Variants in SYCP2L observed in about 807,000 individuals in gnomAD.
SYCP2L encodes synaptonemal complex protein 2-like.
SYCP2L carries 98 observed loss-of-function variants against 125.8 expected under a neutral mutation model. The observed-to-expected ratio is 0.78, with a 90% CI of 0.66 to 0.92. The LOEUF (loss-of-function observed/expected upper bound fraction) is 0.92. Ranked by LOEUF, SYCP2L falls within the 40% of genes least tolerant of loss-of-function variation. The pLI, the probability that SYCP2L is intolerant of heterozygous loss-of-function variation, is 0.00. For synonymous variants in SYCP2L, 317 were observed against 325.4 expected (o/e 0.97, Z 0.28); for missense variants, 842 against 936.4 (o/e 0.90, Z 1.32).
intron 4 of SYCP2L, 76 bp from the exon 5 acceptor site, chr6:10,897,935 G>A (rs1780286157): frequency 6.2e-6 from 6 of 971,586 alleles, no homozygotes; most frequent in Non-Finnish European, 1.0e-5. Flanking sequence ...GTTGTAATGA[G>A]AAAATTGTCT....
At chr6:10,942,849 G>A (rs1781248477) in intron 23 of SYCP2L, 103 bp downstream of exon 23, 10 of 1,039,006 alleles carry the variant, frequency 9.6e-6, no homozygotes, top group Non-Finnish European at 2.8e-6. Context: ...AAGTCACTTT[G>A]CACAGTGACT....
intron 1 of SYCP2L, 69 bp from the exon 2 acceptor site, chr6:10,891,438 TGCTTTG>T: frequency 7.4e-6 from 4 of 537,280 alleles, no homozygotes; most frequent in Non-Finnish European, 1.1e-5. Context: ...TTTTTTTTTT[TGCTTTG>T]TGTTTAAAAC....
intron 10 of SYCP2L, among the ~76,000 whole-genome samples, chr6:10,907,892 G>GTTTTTTTTTTTTTTTTCTTTTTT (rs1780527311): frequency 1.1e-5 from 1 of 91,922 alleles, no homozygotes; most frequent in African/African-American, 4.1e-5. Flanking sequence ...ATACAGATAG[G>GTTTTTTTTTTTTTTTTCTTTTTT]TTTTTTTTTT....
At position 10,955,173 on chromosome 6, in the gene SYCP2L, C is replaced by T. The variant is rs200426957; in HGVS notation, c.2012C>T (p.Ala671Val). 3 of 1,613,584 alleles carry T rather than the reference C, an allele frequency of 1.9e-6. No homozygotes were observed. In the African/African-American group the frequency reaches 4.0e-5, roughly 22 times the overall value. ...CAATCAAGATTGGAAGAAGAGGTTG[C>T]TCCGGGATCCCCTTTCTCAATAACA... ...SQQSRLEEEV[A>V]PGSPFSITEE... Residue 671 changes from alanine to valine, a missense_variant, in exon 24 of 30, where the codon GCT (alanine) becomes GTT (valine). Coordinates refer to ENST00000283141, the MANE Select transcript of SYCP2L (RefSeq NM_001040274.3).
chr6:10,910,097 TA>T, intron 10 of SYCP2L, 50 bp from the exon 11 acceptor site: 1 of 1,511,946 alleles, frequency 6.6e-7, no homozygotes, highest in Non-Finnish European at 9.1e-7. Context: ...TAGTATTAAC[TA>T]AGACATCTTG....
At chr6:10,946,817 A>G (rs992298517) in intron 23 of SYCP2L, among the ~76,000 whole-genome samples, 1 of 151,896 alleles carries the variant, frequency 6.6e-6, no homozygotes, top group Non-Finnish European at 1.5e-5. Context: ...GTAAGTCTAA[A>G]TACGTCTAAG....
chr6:10,926,965 G>C (rs1780908688), intron 16 of SYCP2L, among the ~76,000 whole-genome samples: 1 of 152,060 alleles, frequency 6.6e-6, no homozygotes, highest in African/African-American at 2.4e-5. Context: ...ATTTTCAGCA[G>C]AGACGGGATT....
intron 29 of SYCP2L, among the ~76,000 whole-genome samples, chr6:10,965,037 G>A (rs1781656524): frequency 6.6e-6 from 1 of 152,134 alleles, no homozygotes; most frequent in African/African-American, 2.4e-5. Context: ...CTAAGGGTTA[G>A]AGAAAATATA....
rs745973210 is a variant in SYCP2L, at chr6:10,931,463, A to G, written c.1657A>G (p.Ser553Gly). The G allele has an allele frequency of 4.3e-6, 7 of 1,614,142 alleles. No individual in the cohort carries two copies. The South Asian group carries it at 6.6e-5, about 15-fold the overall frequency. The change falls in exon 20 of 30, where the codon AGT becomes GGT. Residue 553 changes from serine to glycine, a missense_variant. Physicochemically the swap from Ser to Gly is moderately conservative, Grantham distance 56. Coordinates refer to ENST00000283141, the MANE Select transcript of SYCP2L (RefSeq NM_001040274.3). ...LRILPVFPPS[S>G]GSGHEKDQAK... The stretch of plus-strand genomic sequence containing the variant: ...AGTCTTGCCAGTTTTCCCTCCCAGT[A>G]GTGGCAGTGGCCATGAGAAAGACCA...
rs1310081991 is a variant in SYCP2L, at chr6:10,924,563, C to T, written c.1140C>T (p.Val380=). The change falls in exon 15 of 30, where the codon GTC becomes GTT. Residue 380 remains valine, a synonymous_variant. Transcript: ENST00000283141. ...CCATGATTATCAGCTACAAAGAAGT[C>T]ATGAAAATAGAAATCCATTTTGATT... ...KKPMIISYKE[V]MKIEIHFDLQ... is the part of the protein sequence containing the mutation. 2.5e-6 allele frequency: 4 copies of T among 1,604,922 alleles called. No individual in the cohort carries two copies. Among genetic ancestry groups the T allele is most frequent in the Non-Finnish European group, 3.4e-6 (4 of 1,177,300 alleles).
intron 16 of SYCP2L, among the ~76,000 whole-genome samples, chr6:10,926,721 G>A (rs60316924): frequency 0.027 from 4,034 of 151,978 alleles, 180 homozygotes; most frequent in African/African-American, 0.092. Flanking sequence ...GCACTAGACC[G>A]TGTTTCTCTT....
chr6:10,934,627 T>A (rs920420988), intron 20 of SYCP2L, among the ~76,000 whole-genome samples: 3 of 152,158 alleles, frequency 2.0e-5, no homozygotes, highest in African/African-American at 7.2e-5. Flanking sequence ...TTGCAGTGAG[T>A]TGAGATCACA....
chr6:10,924,821 G>C (rs1034018721), intron 15 of SYCP2L, among the ~76,000 whole-genome samples, 180 bp downstream of exon 15: 2 of 152,170 alleles, frequency 1.3e-5, no homozygotes, highest in Non-Finnish European at 2.9e-5. Context: ...CTTTTGATGG[G>C]TCATTGTCTT....
intron 24 of SYCP2L, among the ~76,000 whole-genome samples, chr6:10,955,875 A>G (rs576706082): frequency 7.2e-4 from 109 of 152,286 alleles, no homozygotes; most frequent in African/African-American, 2.4e-3. Context: ...TACCCTAGCT[A>G]TATGTCCTCC....
chr6:10,921,907 C>T (rs953751610), intron 14 of SYCP2L, among the ~76,000 whole-genome samples: 4 of 152,014 alleles, frequency 2.6e-5, no homozygotes, highest in Admixed American at 6.6e-5. Flanking sequence ...GGGGTTTCAC[C>T]GTGTTAGCCA....
chr6:10,955,712 T>A (rs1378072949), intron 24 of SYCP2L, among the ~76,000 whole-genome samples: 1 of 152,206 alleles, frequency 6.6e-6, no homozygotes, highest in Non-Finnish European at 1.5e-5. Flanking sequence ...CATGCAAGAC[T>A]TATGCAAGCT....
intron 28 of SYCP2L, 102 bp from the exon 29 acceptor site, chr6:10,963,680 G>T (rs1781628760): frequency 3.5e-6 from 4 of 1,130,284 alleles, no homozygotes; most frequent in Non-Finnish European, 5.2e-6. Context: ...GTAATATAAT[G>T]GTCTGTGAAA....
intron 5 of SYCP2L, among the ~76,000 whole-genome samples, chr6:10,898,521 A>G (rs1360127160): frequency 6.6e-6 from 1 of 152,180 alleles, no homozygotes; most frequent in Non-Finnish European, 1.5e-5. Flanking sequence ...GTCTCAAAAC[A>G]AAAGACTCTC....
chr6:10,920,898 C>T (rs1350754481), intron 14 of SYCP2L, among the ~76,000 whole-genome samples: 1 of 151,474 alleles, frequency 6.6e-6, no homozygotes, highest in African/African-American at 2.4e-5. Context: ...TACATAGGTG[C>T]AGGATGTACA....
Sources: allele counts gnomAD v4.1 joint callset (sites outside exome capture counted in the v4.1 genomes callset), GRCh38; gene constraint gnomAD v4.1.1; transcripts MANE v1.5; gene names NCBI Gene and HGNC (gene_info 2026-07-23, HGNC 2026-07-21).